GALNT13: variants seen among roughly 807,000 people sequenced by gnomAD.
The protein encoded by GALNT13 is UDP-GalNAc:polypeptide N-acetylgalactosaminyltransferase 13.
Under a neutral mutation model 64.2 loss-of-function variants are expected in GALNT13, and 28 were observed. That is an observed-to-expected ratio of 0.44 (90% CI 0.32 to 0.60). The LOEUF is 0.60. Ranked by LOEUF, GALNT13 falls within the 20% of genes least tolerant of loss-of-function variation. GALNT13 has a pLI of 0.05. For synonymous variants in GALNT13, 214 were observed against 224.6 expected (o/e 0.95, Z 0.42); for missense variants, 577 against 669.8 (o/e 0.86, Z 1.53).
the GALNT13 span, among the ~76,000 whole-genome samples, chr2:153,625,058 C>T: frequency 6.6e-6 from 1 of 151,958 alleles, no homozygotes; most frequent in Admixed American, 6.6e-5. Context: ...CCTAGCAATT[C>T]TAAAATTTGC....
At chr2:154,185,206 A>T (rs567005747) in intron 4 of GALNT13, among the ~76,000 whole-genome samples, 17 of 152,180 alleles carry the variant, frequency 1.1e-4, no homozygotes, top group African/African-American at 3.1e-4. Context: ...TGGCTGAAAA[A>T]TTTACAGATA....
chr2:153,069,143 C>A, the GALNT13 span, among the ~76,000 whole-genome samples: 1 of 152,150 alleles, frequency 6.6e-6, no homozygotes, highest in African/African-American at 2.4e-5. Flanking sequence ...CCTTCAGCGT[C>A]CAGGAGATGT....
chr2:153,485,260 A>G, the GALNT13 span, among the ~76,000 whole-genome samples: 35 of 152,314 alleles, frequency 2.3e-4, 2 homozygotes, highest in East Asian at 5.8e-3. Context: ...ATTGATTTCC[A>G]GCTCATTTGC....
intron 4 of GALNT13, among the ~76,000 whole-genome samples, chr2:154,168,062 G>T (rs1474470578): frequency 6.6e-6 from 1 of 152,190 alleles, no homozygotes; most frequent in Admixed American, 6.5e-5. Context: ...TGGAGTCCAA[G>T]TGGGGTGGGT....
chr2:153,349,129 C>T, the GALNT13 span, among the ~76,000 whole-genome samples: 2 of 152,012 alleles, frequency 1.3e-5, no homozygotes, highest in Admixed American at 1.3e-4. Flanking sequence ...CTTCATGGGT[C>T]AAGCATTTAT....
chr2:154,406,573 T>C (rs1699553183), intron 10 of GALNT13, among the ~76,000 whole-genome samples: 1 of 152,172 alleles, frequency 6.6e-6, no homozygotes, highest in African/African-American at 2.4e-5. Context: ...GATGAAAATA[T>C]GGTTGCTCTC....
the GALNT13 span, among the ~76,000 whole-genome samples, chr2:153,149,007 T>C: frequency 5.3e-5 from 8 of 151,950 alleles, no homozygotes; most frequent in East Asian, 1.9e-4. Flanking sequence ...CTCTGATTCA[T>C]ACAGGATGAT....
chr2:154,272,254 A>C (rs930548979), intron 8 of GALNT13, among the ~76,000 whole-genome samples: 2 of 152,038 alleles, frequency 1.3e-5, no homozygotes, highest in African/African-American at 4.8e-5. Context: ...CTTCTGAACC[A>C]TGATAAAAAC....
chr2:153,554,800 T>G, the GALNT13 span, among the ~76,000 whole-genome samples: 1 of 152,160 alleles, frequency 6.6e-6, no homozygotes, highest in Non-Finnish European at 1.5e-5. Context: ...ATGCCTAATT[T>G]AAGTCGGATC....
At chr2:153,535,759 A>C in the GALNT13 span, among the ~76,000 whole-genome samples, 3 of 152,184 alleles carry the variant, frequency 2.0e-5, no homozygotes, top group Admixed American at 6.5e-5. Context: ...CTTTTCTTGA[A>C]GACGGAGGAC....
chr2:153,634,069 A>G, the GALNT13 span, among the ~76,000 whole-genome samples: 19 of 152,190 alleles, frequency 1.2e-4, no homozygotes, highest in South Asian at 4.1e-4. Context: ...AAGAATTTCC[A>G]TAACTTTGTG....
intron 3 of GALNT13, among the ~76,000 whole-genome samples, chr2:154,034,955 G>A (rs967858856): frequency 6.6e-6 from 1 of 152,040 alleles, no homozygotes; most frequent in Non-Finnish European, 1.5e-5. Context: ...ACTTATACAC[G>A]TTTAGTGGGA....
chr2:153,656,177 A>G, the GALNT13 span, among the ~76,000 whole-genome samples: 1 of 152,258 alleles, frequency 6.6e-6, no homozygotes, highest in South Asian at 2.1e-4. Flanking sequence ...CACCTATTCT[A>G]TAGAAGATGT....
At chr2:153,426,797 A>G in the GALNT13 span, among the ~76,000 whole-genome samples, 1 of 151,954 alleles carries the variant, frequency 6.6e-6, no homozygotes, top group East Asian at 1.9e-4. Context: ...CAGAGCAATT[A>G]GTGCTCTTAT....
At chr2:153,979,328 T>C (rs1397435702) in intron 3 of GALNT13, among the ~76,000 whole-genome samples, 5 of 152,206 alleles carry the variant, frequency 3.3e-5, no homozygotes, top group African/African-American at 1.2e-4. Flanking sequence ...GGGCACAGGA[T>C]CAAAAATTAA....
chr2:154,237,011 C>T (rs903036160), intron 4 of GALNT13, among the ~76,000 whole-genome samples: 11 of 151,844 alleles, frequency 7.2e-5, no homozygotes, highest in Non-Finnish European at 1.3e-4. Context: ...TCATTTAAAA[C>T]TTTTGATATA....
At chr2:153,181,030 C>CTTTTTTTTTTTTTTTTT in the GALNT13 span, among the ~76,000 whole-genome samples, 11 of 32,076 alleles carry the variant, frequency 3.4e-4, 1 homozygote, top group African/African-American at 1.0e-3. Flanking sequence ...TTTATTGTTT[C>CTTTTTTTTTTTTTTTTT]TTTTTTTTTT....
the GALNT13 span, among the ~76,000 whole-genome samples, chr2:153,604,414 T>G: frequency 6.6e-6 from 1 of 152,180 alleles, no homozygotes; most frequent in South Asian, 2.1e-4. Flanking sequence ...GTTGTCTAGA[T>G]GAAGCCTTTA....
the GALNT13 span, among the ~76,000 whole-genome samples, chr2:153,691,770 C>T: frequency 2.8e-4 from 43 of 152,146 alleles, 1 homozygote; most frequent in Non-Finnish European, 5.3e-4. Context: ...AACTAGAACT[C>T]AATACACTAC....
Sources: gnomAD v4.1 joint callset for allele counts (sites outside exome capture counted in the v4.1 genomes callset) on GRCh38, gnomAD v4.1.1 for gene constraint, MANE v1.5 for transcripts, NCBI Gene and HGNC (gene_info 2026-07-23, HGNC 2026-07-21) for gene names.